DCDC1: variants seen among roughly 807,000 people sequenced by gnomAD.
DCDC1 encodes the protein doublecortin domain containing 1, also known as doublecortin domain-containing protein 1.
In DCDC1, 200 loss-of-function variants were observed where a neutral mutation model predicts 178.3. That is an observed-to-expected ratio of 1.12 (90% CI 1.00 to 1.26). DCDC1 has a LOEUF of 1.26. DCDC1 is among the 50% of genes most tolerant of loss of function. The probability of loss-of-function intolerance (pLI) is 0.00; values close to 1 mark genes in which losing one functional copy is unlikely to be tolerated. For synonymous variants in DCDC1, 690 were observed against 604.8 expected (o/e 1.14, Z -2.07); for missense variants, 1,983 against 1,749.2 (o/e 1.13, Z -2.38).
chr11:31,277,877 T>C (rs549181661), intron 7 of DCDC1, among the ~76,000 whole-genome samples: 38 of 152,116 alleles, frequency 2.5e-4, no homozygotes, highest in Non-Finnish European at 1.9e-4. Flanking sequence ...TTTTCATTTT[T>C]ATAATGCTGT....
At chr11:31,066,809 C>G (rs897293628) in intron 18 of DCDC1, among the ~76,000 whole-genome samples, 2 of 152,096 alleles carry the variant, frequency 1.3e-5, no homozygotes, top group Admixed American at 1.3e-4. Context: ...TACATTAGTT[C>G]AAACCCATAG....
chr11:31,009,938 T>C (rs1365991714), intron 20 of DCDC1, among the ~76,000 whole-genome samples: 1 of 152,100 alleles, frequency 6.6e-6, no homozygotes, highest in Admixed American at 6.5e-5. Flanking sequence ...GAAAGCCCCT[T>C]ATAAAACCAT....
At chr11:30,897,213 A>C (rs910807732) in intron 34 of DCDC1, among the ~76,000 whole-genome samples, 1 of 152,230 alleles carries the variant, frequency 6.6e-6, no homozygotes, top group Non-Finnish European at 1.5e-5. Context: ...ACATCAAAGG[A>C]TCCCTCCAGA....
chr11:31,116,075 A>T (rs781287829), intron 11 of DCDC1, among the ~76,000 whole-genome samples: 3 of 149,156 alleles, frequency 2.0e-5, no homozygotes, highest in Non-Finnish European at 4.4e-5. Context: ...GTCAGAGTGC[A>T]GGACACACTG....
intron 20 of DCDC1, among the ~76,000 whole-genome samples, chr11:30,974,207 C>A (rs1042177014): frequency 6.6e-6 from 1 of 151,086 alleles, no homozygotes. Context: ...ACGCAACACA[C>A]CAAAGCCTGT....
At chr11:31,255,015 G>A (rs1944317906) in intron 8 of DCDC1, among the ~76,000 whole-genome samples, 1 of 152,070 alleles carries the variant, frequency 6.6e-6, no homozygotes, top group Admixed American at 6.6e-5. Context: ...CGCTCTGGAT[G>A]TTTCAAATAA....
At chr11:31,012,365 A>T (rs1952225496) in intron 20 of DCDC1, among the ~76,000 whole-genome samples, 1 of 152,136 alleles carries the variant, frequency 6.6e-6, no homozygotes, top group Admixed American at 6.6e-5. Flanking sequence ...TGTAAAGCCA[A>T]GGTGAGAGAA....
At chr11:31,355,816 G>T (rs1951319142) in intron 1 of DCDC1, among the ~76,000 whole-genome samples, 1 of 152,086 alleles carries the variant, frequency 6.6e-6, no homozygotes, top group Non-Finnish European at 1.5e-5. Flanking sequence ...TGATCTGCCT[G>T]CCTCGACCTC....
At chr11:31,151,804 C>A (rs1331136170) in intron 9 of DCDC1, among the ~76,000 whole-genome samples, 1 of 152,052 alleles carries the variant, frequency 6.6e-6, no homozygotes, top group South Asian at 2.1e-4. Context: ...CTTAAGCAGA[C>A]CTATAACTAT....
intron 20 of DCDC1, among the ~76,000 whole-genome samples, chr11:30,968,262 G>C (rs1424889935): frequency 6.6e-6 from 1 of 152,092 alleles, no homozygotes; most frequent in South Asian, 2.1e-4. Flanking sequence ...AGTCAACAGA[G>C]AGGACATGGG....
intron 1 of DCDC1, among the ~76,000 whole-genome samples, chr11:31,365,767 A>G (rs1247434132): frequency 1.3e-5 from 2 of 152,168 alleles, no homozygotes; most frequent in Non-Finnish European, 2.9e-5. Flanking sequence ...CAAATATTTA[A>G]TATACGCCTA....
At chr11:30,997,430 A>C (rs1210237149) in intron 20 of DCDC1, among the ~76,000 whole-genome samples, 1 of 152,182 alleles carries the variant, frequency 6.6e-6, no homozygotes, top group Non-Finnish European at 1.5e-5. Flanking sequence ...TATACAACAT[A>C]ACCTCACTGA....
intron 9 of DCDC1, among the ~76,000 whole-genome samples, chr11:31,229,216 A>G (rs1975428814): frequency 6.6e-6 from 1 of 152,178 alleles, no homozygotes. Context: ...CTTGGAAAAT[A>G]GAAGAGGAAG....
chr11:31,127,181 T>G (rs1223037874), intron 11 of DCDC1, among the ~76,000 whole-genome samples: 1 of 152,216 alleles, frequency 6.6e-6, no homozygotes, highest in African/African-American at 2.4e-5. Context: ...AAAATTTGTT[T>G]CTTGGAAAAG....
chr11:31,146,191 C>T (rs1364923482), intron 9 of DCDC1, among the ~76,000 whole-genome samples: 1 of 151,764 alleles, frequency 6.6e-6, no homozygotes, highest in Non-Finnish European at 1.5e-5. Flanking sequence ...TTGACCTCAG[C>T]CTCCCAAGTA....
intron 34 of DCDC1, among the ~76,000 whole-genome samples, chr11:30,899,143 A>C (rs1056107697): frequency 6.6e-6 from 1 of 152,040 alleles, no homozygotes; most frequent in Non-Finnish European, 1.5e-5. Context: ...AAAAAAACAA[A>C]AAAAAAAACT....
At chr11:31,311,827 A>G (rs535240191) in intron 3 of DCDC1, among the ~76,000 whole-genome samples, 1 of 152,320 alleles carries the variant, frequency 6.6e-6, no homozygotes, top group East Asian at 1.9e-4. Flanking sequence ...GTGGTACATT[A>G]TAAATTTCTG....
intron 21 of DCDC1, among the ~76,000 whole-genome samples, chr11:30,945,094 G>A (rs1389365741): frequency 1.4e-5 from 2 of 145,178 alleles, no homozygotes; most frequent in Non-Finnish European, 3.0e-5. Flanking sequence ...TCAGCCTCCT[G>A]AGTAGCTGGG....
At chr11:31,255,458 AAC>A (rs891074023) in intron 8 of DCDC1, among the ~76,000 whole-genome samples, 1 of 151,952 alleles carries the variant, frequency 6.6e-6, no homozygotes, top group Non-Finnish European at 1.5e-5. Context: ...CATCCTCAAC[AAC>A]ACTTGTTATT....
Sources: gnomAD v4.1 joint callset for allele counts (sites outside exome capture counted in the v4.1 genomes callset) on GRCh38, gnomAD v4.1.1 for gene constraint, MANE v1.5 for transcripts, NCBI Gene and HGNC (gene_info 2026-07-23, HGNC 2026-07-21) for gene names.